The following RSPH6A variants were observed in gnomAD, a reference collection of about 807,000 sequenced individuals.
RSPH6A encodes the protein radial spoke head 6 homolog A.
RSPH6A carries 49 observed loss-of-function variants against 66.1 expected under a neutral mutation model. That is an observed-to-expected ratio of 0.74 (90% CI 0.59 to 0.94). RSPH6A has a LOEUF of 0.94. Among genes scored for constraint, RSPH6A ranks in the 40% least tolerant of loss-of-function variants. RSPH6A has a pLI of 0.00. For missense variants in RSPH6A, 977 were observed against 948.3 expected, an observed-to-expected ratio of 1.03 and a Z score of -0.40; for synonymous variants, 419 against 402.4, an observed-to-expected ratio of 1.04 and a Z score of -0.49.
chr19:45,811,993 C>A (rs556546031), intron 1 of RSPH6A, among the ~76,000 whole-genome samples: 25 of 151,708 alleles, frequency 1.6e-4, no homozygotes, highest in African/African-American at 6.0e-4. Context: ...GTTGGCCAGG[C>A]TGGTCTCGAA....
Position 45,795,908 on chromosome 19 carries a change from C to A in RSPH6A, c.2115G>T (p.Glu705Asp), listed in dbSNP as rs777549051. ...QALGATEEEE[E>D]GEEEEEGEET... ...CCTCGCCCTCCTCCTCCTCCTCGCC[C>A]TCCTCCTCCTCCTCTGTGGCTCCCA... The change falls in exon 6 of 6, where the codon GAG (glutamate) becomes GAT (aspartate). Residue 705 changes from glutamate to aspartate, a missense_variant. By Grantham distance (45) the Glu-to-Asp change is conservative. Coordinates refer to ENST00000221538, the MANE Select transcript of RSPH6A (RefSeq NM_030785.4). The A allele has an allele frequency of 2.6e-5, 38 of 1,471,580 alleles. No individual in the cohort carries two copies. In the South Asian group the frequency reaches 2.7e-4, roughly 10 times the overall value. The allele number at this position is 1,471,580 out of a possible 1,614,324, so 91.2% of individuals were successfully genotyped here.
chr19:45,810,360 C>T (rs529341016), intron 2 of RSPH6A, among the ~76,000 whole-genome samples: 4 of 152,040 alleles, frequency 2.6e-5, no homozygotes, highest in East Asian at 1.9e-4. Flanking sequence ...TTAGTAGAGA[C>T]GGGGTTTCAT....
chr19:45,808,382 G>A (rs913957844), intron 2 of RSPH6A, among the ~76,000 whole-genome samples: 8 of 147,060 alleles, frequency 5.4e-5, no homozygotes, highest in East Asian at 2.0e-4. Flanking sequence ...AGCTGAGATC[G>A]TGCCACTGCA....
chr19:45,810,994 T>A, intron 1 of RSPH6A, 154 bp from the exon 2 acceptor site: 1 of 508,278 alleles, frequency 2.0e-6, no homozygotes, highest in Non-Finnish European at 3.4e-6. Flanking sequence ...ATTTATTTAT[T>A]TTTATTTATT....
Position 45,815,240 on chromosome 19 carries a change from C to T in RSPH6A, c.-64G>A. On this transcript the variant is annotated 5_prime_UTR_variant, in exon 1 of 6. Coordinates refer to ENST00000221538, the MANE Select transcript of RSPH6A (RefSeq NM_030785.4). ...GCAGACAAGGAGGCCAAGCGAGAGC[C>T]ACCTGTCGACACCGCCGGTTTCTGA... 7.0e-7 allele frequency: 1 copy of T among 1,427,962 alleles called. No homozygotes were observed. Among genetic ancestry groups the T allele is most frequent in the Non-Finnish European group, 9.2e-7 (1 of 1,083,158 alleles). The allele number at this position is 1,427,962 out of a possible 1,614,324, so 88.5% of individuals were successfully genotyped here. A position where few individuals can be genotyped will look rare whatever the true frequency, so the allele number is the denominator to read the frequency against.
intron 2 of RSPH6A, among the ~76,000 whole-genome samples, chr19:45,810,334 C>G (rs1456866427): frequency 6.6e-6 from 1 of 151,950 alleles, no homozygotes; most frequent in Non-Finnish European, 1.5e-5. Flanking sequence ...CCACGCTTGG[C>G]TAATTTCTTA....
At chr19:45,810,296 G>A (rs1470284657) in intron 2 of RSPH6A, among the ~76,000 whole-genome samples, 10 of 151,940 alleles carry the variant, frequency 6.6e-5, no homozygotes, top group South Asian at 6.3e-4. Flanking sequence ...TCAGCCTCCG[G>A]AGTAGCTGGG....
chr19:45,804,942 G>A lies in RSPH6A; in HGVS notation c.963C>T (p.Asp321=), dbSNP rs114127736. 3.2e-5 allele frequency: 51 copies of A among 1,614,172 alleles called. No individual in the cohort carries two copies. In the African/African-American group the frequency reaches 6.0e-4, roughly 19 times the overall value. The change falls in exon 3 of 6, where the codon GAC becomes GAT. Residue 321 remains aspartate, a synonymous_variant. Coordinates refer to ENST00000221538, the MANE Select transcript of RSPH6A (RefSeq NM_030785.4). This position sits in a 1 kb window ranked among gnomAD's most constrained non-coding sequence, Gnocchi z 5.8. ...FEQAGVGLSS[D]ESFRIFLAMK... ...TGGCCAGGAAAATGCGGAAGCTCTC[G>A]TCCGAGCTCAGGCCGACGCCGGCCT...
chr19:45,815,289 C>T lies in RSPH6A; in HGVS notation c.-113G>A. 1.6e-6 allele frequency: 2 copies of T among 1,256,232 alleles called. No individual in the cohort carries two copies. Among genetic ancestry groups the T allele is most frequent in the Non-Finnish European group, 2.1e-6 (2 of 935,152 alleles). 77.8% of individuals were successfully genotyped at this position (1,256,232 alleles called of 1,614,324 possible). ...GAGCACCGAGAGAGGGGGCCGTTAC[C>T]CGTGGAGGGCGCGGGGAGCGGGCCA... On this transcript the variant is annotated 5_prime_UTR_variant, in exon 1 of 6. Transcript: ENST00000221538.
At chr19:45,806,262 A>T (rs1600476519) in intron 2 of RSPH6A, among the ~76,000 whole-genome samples, 1 of 152,124 alleles carries the variant, frequency 6.6e-6, no homozygotes, top group East Asian at 1.9e-4. Flanking sequence ...GGTGGGGTGG[A>T]GGAGAAGAAA....
At position 45,804,581 on chromosome 19, in the gene RSPH6A, G is replaced by A. The variant is rs749365740; in HGVS notation, c.1324C>T (p.Pro442Ser). 2 of 1,614,068 alleles carry A rather than the reference G, an allele frequency of 1.2e-6. No homozygotes were observed. The highest frequency in any genetic ancestry group is 1.3e-5 in the African/African-American group (1 of 74,922). ...ACGATCTGGGCTGGAGTGACGTGGG[G>A]CAGCCGCGTCCATGGCAGGCCCGGC... is the stretch of plus-strand genomic sequence containing the variant. ...NEPGLPWTRL[P>S]HVTPAQIVNA... The change falls in exon 3 of 6, where the codon CCC (proline) becomes TCC (serine). Residue 442 changes from proline to serine, a missense_variant. Coordinates refer to ENST00000221538, the MANE Select transcript of RSPH6A (RefSeq NM_030785.4). This position sits in a 1 kb window ranked among gnomAD's most constrained non-coding sequence, Gnocchi z 5.8.
chr19:45,803,693 G>GAAAAAAAAAA (rs372215678), intron 3 of RSPH6A, among the ~76,000 whole-genome samples: 1 of 136,046 alleles, frequency 7.4e-6, no homozygotes, highest in Non-Finnish European at 1.6e-5. Context: ...GAAAAGAAAA[G>GAAAAAAAAAA]AAAAAAAAAA....
rs759718409 is a variant in RSPH6A at position 45,804,931 on chromosome 19, C to T, written c.974G>A (p.Arg325His). The stretch of plus-strand genomic sequence containing the variant: ...CAGCTGTTTCATGGCCAGGAAAATG[C>T]GGAAGCTCTCGTCCGAGCTCAGGCC... ...GVGLSSDESF[R>H]IFLAMKQLVE... Residue 325 changes from arginine (R) to histidine (H), a missense_variant, in exon 3 of 6, where the codon CGC becomes CAC. By Grantham distance (29) the Arg-to-His change is conservative. Coordinates refer to ENST00000221538, the MANE Select transcript of RSPH6A (RefSeq NM_030785.4). This position sits in a 1 kb window ranked among gnomAD's most constrained non-coding sequence, Gnocchi z 5.8. 6.8e-6 allele frequency: 11 copies of T among 1,614,072 alleles called. No individual in the cohort carries two copies. Among genetic ancestry groups the T allele is most frequent in the African/African-American group, 1.3e-5 (1 of 74,930 alleles).
intron 4 of RSPH6A, 51 bp downstream of exon 4, chr19:45,802,069 C>T: frequency 7.4e-7 from 1 of 1,344,342 alleles, no homozygotes; most frequent in Non-Finnish European, 9.7e-7. Flanking sequence ...CCCTCCCTTT[C>T]TTCCCAGCCC....
chr19:45,812,205 C>T (rs950628090), intron 1 of RSPH6A, among the ~76,000 whole-genome samples: 2 of 152,002 alleles, frequency 1.3e-5, no homozygotes, highest in East Asian at 3.9e-4. Flanking sequence ...GATTCTCCCA[C>T]CTCAGACTCC....
Position 45,815,221 on chromosome 19 carries a change from A to C in RSPH6A, c.-45T>G, listed in dbSNP as rs778832435. The C allele has an allele frequency of 4.0e-6, 6 of 1,501,658 alleles. No homozygotes were observed. Among genetic ancestry groups the C allele is most frequent in the Non-Finnish European group, 5.3e-6 (6 of 1,129,594 alleles). 93.0% of individuals were successfully genotyped at this position (1,501,658 alleles called of 1,614,324 possible). On this transcript the variant is annotated 5_prime_UTR_variant, in exon 1 of 6. Coordinates refer to ENST00000221538, the MANE Select transcript of RSPH6A (RefSeq NM_030785.4). ...ATCTCTAGGAGAAAGGCTTGCAGAC[A>C]AGGAGGCCAAGCGAGAGCCACCTGT... is the stretch of plus-strand genomic sequence containing the variant.
intron 2 of RSPH6A, among the ~76,000 whole-genome samples, chr19:45,810,114 A>G (rs1012180914): frequency 6.6e-6 from 1 of 152,010 alleles, no homozygotes; most frequent in Admixed American, 6.6e-5. Flanking sequence ...TTCAAGACCA[A>G]CCCGGCCAAC....
chr19:45,804,047 A>G lies in RSPH6A; in HGVS notation c.1653+205T>C, dbSNP rs1970507248. 6.6e-6 allele frequency among the ~76,000 whole-genome samples: 1 copy of G among 152,056 alleles called. No individual in the cohort carries two copies. The highest frequency in any genetic ancestry group is 2.1e-4 in the South Asian group (1 of 4,830). On this transcript the variant is annotated intron_variant, in intron 3 of 5. Coordinates refer to ENST00000221538, the MANE Select transcript of RSPH6A (RefSeq NM_030785.4). This position sits in a 1 kb window ranked among gnomAD's most constrained non-coding sequence, Gnocchi z 5.8. ...GAAAAAGAAAAAAAAGAAGAAAGAA[A>G]GAAAAGAAAAAAAAATGCCTCTGTC...
chr19:45,803,049 C>A (rs555507937), intron 3 of RSPH6A, among the ~76,000 whole-genome samples: 72 of 150,720 alleles, frequency 4.8e-4, no homozygotes, highest in African/African-American at 1.7e-3. Flanking sequence ...TCTACTAAAA[C>A]TACAAAAAAA....
Sources: gnomAD v4.1 joint callset for allele counts (sites outside exome capture counted in the v4.1 genomes callset) on GRCh38, gnomAD v4.1.1 for gene constraint, Gnocchi (gnomAD v3.1) non-coding constraint, MANE v1.5 for transcripts, NCBI Gene and HGNC (gene_info 2026-07-23, HGNC 2026-07-21) for gene names.